SMYD3: variants seen among roughly 807,000 people sequenced by gnomAD.
SMYD3 encodes histone-lysine N-methyltransferase SMYD3.
A neutral mutation model predicts 57.7 loss-of-function variants in SMYD3; 36 were observed. The ratio of observed to expected loss-of-function variants is 0.62; its 90% CI spans 0.48 to 0.82. The LOEUF (loss-of-function observed/expected upper bound fraction) is 0.82, where lower values mean the gene tolerates loss of function less well. Among genes scored for constraint, SMYD3 ranks in the 40% least tolerant of loss-of-function variants. The pLI is 0.00. For missense variants in SMYD3, 515 were observed against 538.8 expected (o/e 0.96, Z 0.44); for synonymous variants, 211 against 195.0 (o/e 1.08, Z -0.68).
intron 5 of SMYD3, among the ~76,000 whole-genome samples, chr1:245,990,324 A>G (rs1267407749): frequency 1.3e-5 from 2 of 152,202 alleles, no homozygotes; most frequent in African/African-American, 2.4e-5. Flanking sequence ...CCTGGGCTCA[A>G]GCAATCCTCC....
intron 10 of SMYD3, among the ~76,000 whole-genome samples, chr1:245,781,504 G>T (rs2046824735): frequency 6.6e-6 from 1 of 152,160 alleles, no homozygotes; most frequent in South Asian, 2.1e-4. Context: ...GTCAAAGAAT[G>T]ATCACACATT....
intron 5 of SMYD3, among the ~76,000 whole-genome samples, chr1:246,071,709 T>C (rs1045218456): frequency 6.6e-6 from 1 of 152,196 alleles, no homozygotes; most frequent in African/African-American, 2.4e-5. Flanking sequence ...AAACCCCAAA[T>C]GCTGCAATCC....
intron 7 of SMYD3, among the ~76,000 whole-genome samples, chr1:245,926,655 G>A (rs1473559748): frequency 6.6e-6 from 1 of 152,184 alleles, no homozygotes; most frequent in Non-Finnish European, 1.5e-5. Context: ...CCGAGCCTAG[G>A]AAAATAGAAG....
chr1:246,006,864 C>T (rs12732350), intron 5 of SMYD3, among the ~76,000 whole-genome samples: 1 of 152,158 alleles, frequency 6.6e-6, no homozygotes, highest in East Asian at 1.9e-4. Flanking sequence ...GATCAAGGAG[C>T]CTGGAGCCTC....
intron 5 of SMYD3, among the ~76,000 whole-genome samples, chr1:246,063,626 C>CCTCCCTCTCTCCCTCCCTTT (rs1416282001): frequency 7.1e-6 from 1 of 140,670 alleles, no homozygotes; most frequent in South Asian, 2.7e-4. Flanking sequence ...TCCTTCCCTT[C>CCTCCCTCTCTCCCTCCCTTT]CTCCCTCTCT....
At chr1:246,327,119 C>G in intron 5 of SMYD3, 82 bp downstream of exon 5, 1 of 1,557,866 alleles carries the variant, frequency 6.4e-7, no homozygotes. Context: ...TGTCAAGATT[C>G]TCGACATTTT....
At chr1:246,385,586 A>C (rs1177951695) in intron 1 of SMYD3, among the ~76,000 whole-genome samples, 1 of 152,186 alleles carries the variant, frequency 6.6e-6, no homozygotes, top group Non-Finnish European at 1.5e-5. Context: ...CCAGTAAAGG[A>C]AATAAAAAGA....
chr1:246,380,288 C>T (rs1465591249), intron 1 of SMYD3, among the ~76,000 whole-genome samples: 1 of 152,120 alleles, frequency 6.6e-6, no homozygotes, highest in African/African-American at 2.4e-5. Flanking sequence ...TAAACTAACC[C>T]ATTTCACTAA....
intron 5 of SMYD3, among the ~76,000 whole-genome samples, chr1:246,254,698 G>A (rs2063852537): frequency 6.6e-6 from 1 of 152,192 alleles, no homozygotes; most frequent in Non-Finnish European, 1.5e-5. Flanking sequence ...TAGGAATAGT[G>A]TTGAATCTGT....
chr1:245,893,511 C>T (rs1015654682), intron 8 of SMYD3, among the ~76,000 whole-genome samples: 94 of 151,722 alleles, frequency 6.2e-4, no homozygotes, highest in African/African-American at 2.3e-3. Flanking sequence ...TAATGGAATA[C>T]TACTTGGCAA....
intron 5 of SMYD3, among the ~76,000 whole-genome samples, chr1:246,261,463 C>T (rs1217281339): frequency 6.6e-6 from 1 of 151,140 alleles, no homozygotes; most frequent in Non-Finnish European, 1.5e-5. Context: ...AAGATATAAT[C>T]GTTTATTATA....
At chr1:245,930,163 G>GA (rs11295264) in intron 5 of SMYD3, 7,120 of 447,470 alleles carry the variant, frequency 0.016, 1 homozygote, top group East Asian at 0.08. Flanking sequence ...CCTCCTGGGA[G>GA]AAAAAAAAAA....
At chr1:246,365,716 C>A (rs1221505484) in intron 1 of SMYD3, among the ~76,000 whole-genome samples, 2 of 151,982 alleles carry the variant, frequency 1.3e-5, no homozygotes, top group African/African-American at 4.8e-5. Context: ...GTGGAAAAAA[C>A]TATGAGTGGT....
At chr1:245,980,868 G>A (rs971665458) in intron 5 of SMYD3, among the ~76,000 whole-genome samples, 2 of 152,110 alleles carry the variant, frequency 1.3e-5, no homozygotes, top group Non-Finnish European at 2.9e-5. Context: ...ATGGTACCTC[G>A]GCCACTGTTT....
chr1:245,882,307 T>G (rs2052826068), intron 8 of SMYD3, among the ~76,000 whole-genome samples: 1 of 152,204 alleles, frequency 6.6e-6, no homozygotes, highest in Admixed American at 6.5e-5. Flanking sequence ...TTAACCCAAC[T>G]GTGGTTGCCA....
chr1:246,274,991 T>C (rs1029379183), intron 5 of SMYD3, among the ~76,000 whole-genome samples: 8 of 152,186 alleles, frequency 5.3e-5, no homozygotes, highest in Non-Finnish European at 1.0e-4. Flanking sequence ...TCCTGCTACA[T>C]TCATTTTCAT....
intron 1 of SMYD3, among the ~76,000 whole-genome samples, chr1:246,428,139 T>C (rs770266081): frequency 6.6e-6 from 1 of 152,220 alleles, no homozygotes; most frequent in Non-Finnish European, 1.5e-5. Flanking sequence ...GTAGTTCAGT[T>C]AGCTCTTGTA....
At chr1:246,050,366 T>C (rs1446515598) in intron 5 of SMYD3, among the ~76,000 whole-genome samples, 2 of 151,958 alleles carry the variant, frequency 1.3e-5, no homozygotes, top group Non-Finnish European at 2.9e-5. Context: ...AGACAGAGAG[T>C]AGGGCATCAT....
chr1:246,384,648 C>A (rs1050848799), intron 1 of SMYD3, among the ~76,000 whole-genome samples: 1 of 152,132 alleles, frequency 6.6e-6, no homozygotes, highest in Non-Finnish European at 1.5e-5. Flanking sequence ...CTGCCCGCCT[C>A]GGCCTCCCAA....
Sources: allele counts gnomAD v4.1 joint callset (sites outside exome capture counted in the v4.1 genomes callset), GRCh38; gene constraint gnomAD v4.1.1; transcripts MANE v1.5; gene names NCBI Gene and HGNC (gene_info 2026-07-23, HGNC 2026-07-21).